The following EFNA5 variants were observed in gnomAD, a reference collection of about 807,000 sequenced individuals.
The protein encoded by EFNA5 is ephrin-A5.
A neutral mutation model predicts 22.9 loss-of-function variants in EFNA5; 5 were observed. The ratio of observed to expected loss-of-function variants is 0.22; its 90% confidence interval spans 0.11 to 0.46. The LOEUF is 0.46. EFNA5 is among the 20% of genes least tolerant of loss of function. The pLI is 0.99. For synonymous variants in EFNA5, 113 were observed against 112.2 expected, an observed-to-expected ratio of 1.01 and a Z score of -0.04; for missense variants, 237 against 293.3, an observed-to-expected ratio of 0.81 and a Z score of 1.40.
intron 1 of EFNA5, among the ~76,000 whole-genome samples, chr5:107,455,655 A>G (rs890470537): frequency 1.1e-4 from 17 of 152,142 alleles, no homozygotes; most frequent in Non-Finnish European, 7.4e-5. Flanking sequence ...GATTAGAACA[A>G]CAGCAAAAAA....
chr5:107,394,193 T>C (rs985095670), intron 2 of EFNA5, among the ~76,000 whole-genome samples: 1 of 152,180 alleles, frequency 6.6e-6, no homozygotes, highest in African/African-American at 2.4e-5. Context: ...ATGGCCCCGG[T>C]TTACCAAGCT....
At chr5:107,627,328 G>T (rs1750162634) in intron 1 of EFNA5, among the ~76,000 whole-genome samples, 1 of 152,168 alleles carries the variant, frequency 6.6e-6, no homozygotes, top group Non-Finnish European at 1.5e-5. Context: ...CTGAGGGAGT[G>T]CTGAGCATAC....
At chr5:107,521,393 T>G (rs1264903433) in intron 1 of EFNA5, among the ~76,000 whole-genome samples, 15 of 151,254 alleles carry the variant, frequency 9.9e-5, no homozygotes, top group African/African-American at 3.4e-4. Flanking sequence ...GGGACTCAAG[T>G]GATCCTCCTA....
At chr5:107,513,204 G>C (rs1298450466) in intron 1 of EFNA5, among the ~76,000 whole-genome samples, 1 of 152,124 alleles carries the variant, frequency 6.6e-6, no homozygotes, top group Non-Finnish European at 1.5e-5. Flanking sequence ...TCAGAGATTT[G>C]GGGCTGGGAA....
At chr5:107,549,491 C>G (rs1190246974) in intron 1 of EFNA5, among the ~76,000 whole-genome samples, 1 of 152,214 alleles carries the variant, frequency 6.6e-6, no homozygotes, top group African/African-American at 2.4e-5. Context: ...TCCCCTCGAA[C>G]AGACTAAGAG....
rs1264046288 is a variant in EFNA5, at chr5:107,378,101, A to G, written c.*3154T>C. ...TCCTGAAAGTCTATTGTTCTCACTTACAAAAGACATAAGAATCAAATTAAT... is the reference window on the plus strand; with the variant it reads ...TCCTGAAAGTCTATTGTTCTCACTTGCAAAAGACATAAGAATCAAATTAAT... On this transcript the variant is annotated 3_prime_UTR_variant, in exon 5 of 5. Coordinates refer to ENST00000333274, the MANE Select transcript of EFNA5 (RefSeq NM_001962.3). 1 of 152,180 alleles carries G rather than the reference A, an allele frequency of 6.6e-6. No individual in the cohort carries two copies. Among genetic ancestry groups the G allele is most frequent in the Non-Finnish European group, 1.5e-5 (1 of 68,028 alleles). The allele number at this position is 152,180 out of a possible 1,614,324, so 9.4% of individuals were successfully genotyped here. A position where few individuals can be genotyped will look rare whatever the true frequency, so the allele number is the denominator to read the frequency against.
chr5:107,611,466 G>A (rs565419080), intron 1 of EFNA5, among the ~76,000 whole-genome samples: 4 of 152,274 alleles, frequency 2.6e-5, no homozygotes, highest in South Asian at 2.1e-4. Flanking sequence ...TTGCCTTAGC[G>A]TATTCCTCAA....
At chr5:107,544,104 T>C (rs1748100376) in intron 1 of EFNA5, among the ~76,000 whole-genome samples, 1 of 152,162 alleles carries the variant, frequency 6.6e-6, no homozygotes, top group African/African-American at 2.4e-5. Flanking sequence ...CCTTGTTACT[T>C]GCGAATCGCC....
intron 1 of EFNA5, among the ~76,000 whole-genome samples, chr5:107,553,184 A>C (rs959281617): frequency 1.2e-4 from 19 of 152,166 alleles, no homozygotes; most frequent in Admixed American, 4.6e-4. Context: ...TAAAATATTT[A>C]CTTGGGTTTC....
At chr5:107,486,999 T>C (rs1159107663) in intron 1 of EFNA5, among the ~76,000 whole-genome samples, 1 of 152,212 alleles carries the variant, frequency 6.6e-6, no homozygotes, top group African/African-American at 2.4e-5. Context: ...AAGACCTACA[T>C]CTGTTCACAT....
chr5:107,438,018 C>T (rs186143962), intron 1 of EFNA5, among the ~76,000 whole-genome samples: 1 of 152,306 alleles, frequency 6.6e-6, no homozygotes, highest in East Asian at 1.9e-4. Flanking sequence ...TAATTAAACA[C>T]TGGAAAGTGA....
rs1751178935 is a variant in EFNA5 at position 107,670,704 on chromosome 5, A to C, written c.-91T>G. 5 of 1,505,742 alleles carry C rather than the reference A, an allele frequency of 3.3e-6. No individual in the cohort carries two copies. Among genetic ancestry groups the C allele is most frequent in the East Asian group, 2.5e-5 (1 of 39,966 alleles). 93.3% of individuals were successfully genotyped at this position (1,505,742 alleles called of 1,614,324 possible). A position where few individuals can be genotyped will look rare whatever the true frequency, so the allele number is the denominator to read the frequency against. Reference sequence around the variant, plus strand: ...GGGAGGCAGGCAAAGGGACAGAGAGAGAGCGGGCGCCAAATAAATATGAAT... The same window carrying C: ...GGGAGGCAGGCAAAGGGACAGAGAGCGAGCGGGCGCCAAATAAATATGAAT... On this transcript the variant is annotated 5_prime_UTR_variant, in exon 1 of 5. Coordinates refer to ENST00000333274, the MANE Select transcript of EFNA5 (RefSeq NM_001962.3).
At chr5:107,442,929 T>TAACAA (rs1166410284) in intron 1 of EFNA5, among the ~76,000 whole-genome samples, 3 of 82,352 alleles carry the variant, frequency 3.6e-5, no homozygotes, top group African/African-American at 1.4e-4. Flanking sequence ...CCCCAGGTAC[T>TAACAA]AAAAAAAAAA....
At chr5:107,433,560 T>C (rs146195518) in intron 1 of EFNA5, among the ~76,000 whole-genome samples, 103 of 152,300 alleles carry the variant, frequency 6.8e-4, no homozygotes, top group Middle Eastern at 6.8e-3. Flanking sequence ...CATTCCATTA[T>C]ATGCTGAATA....
At chr5:107,612,832 G>C (rs1011022271) in intron 1 of EFNA5, among the ~76,000 whole-genome samples, 36 of 152,132 alleles carry the variant, frequency 2.4e-4, no homozygotes, top group African/African-American at 8.4e-4. Flanking sequence ...GTGTTTACCA[G>C]ACTGTAAAAT....
chr5:107,615,717 T>C (rs1229255001), intron 1 of EFNA5, among the ~76,000 whole-genome samples: 3 of 152,180 alleles, frequency 2.0e-5, no homozygotes, highest in Non-Finnish European at 4.4e-5. Context: ...TCACTTAAAA[T>C]CTGACTAATC....
At chr5:107,431,287 G>A (rs1046232676) in intron 1 of EFNA5, among the ~76,000 whole-genome samples, 5 of 152,152 alleles carry the variant, frequency 3.3e-5, no homozygotes, top group Non-Finnish European at 2.9e-5. Context: ...CCAAAGAAAA[G>A]TTTAGGATCA....
intron 1 of EFNA5, among the ~76,000 whole-genome samples, chr5:107,535,924 T>C (rs1261959337): frequency 1.3e-5 from 2 of 152,222 alleles, no homozygotes; most frequent in Admixed American, 6.5e-5. Context: ...TACACTTGTC[T>C]ATCTGGAAAG....
At chr5:107,465,297 TG>T (rs1406834385) in intron 1 of EFNA5, among the ~76,000 whole-genome samples, 1 of 152,134 alleles carries the variant, frequency 6.6e-6, no homozygotes, top group Admixed American at 6.6e-5. Context: ...CTAAAGATAA[TG>T]GGTGACGGTT....
Sources: gnomAD v4.1 joint callset for allele counts (sites outside exome capture counted in the v4.1 genomes callset) on GRCh38, gnomAD v4.1.1 for gene constraint, MANE v1.5 for transcripts, NCBI Gene and HGNC (gene_info 2026-07-23, HGNC 2026-07-21) for gene names.